Variants in COPG2 observed in about 807,000 individuals in gnomAD.
The protein encoded by COPG2 is coatomer subunit gamma-2.
Under a neutral mutation model 46.3 loss-of-function variants are expected in COPG2, and 37 were observed. That is an observed-to-expected ratio of 0.80 (90% CI 0.61 to 1.05). COPG2 has a LOEUF of 1.05. Among genes scored for constraint, COPG2 ranks in the 50% least tolerant of loss-of-function variants. COPG2 has a pLI of 0.00. For synonymous variants in COPG2, 159 were observed against 129.7 expected (o/e 1.23, Z -1.53); for missense variants, 427 against 387.8 (o/e 1.10, Z -0.85).
chr7:130,550,741 T>C (rs1793526065), intron 16 of COPG2, 92 bp from the exon 17 acceptor site: 12 of 381,910 alleles, frequency 3.1e-5, no homozygotes, highest in Non-Finnish European at 9.2e-6. Flanking sequence ...CTAAGCTTTC[T>C]GAAGGAAGAG....
intron 20 of COPG2, 115 bp downstream of exon 20, chr7:130,547,559 C>A (rs1793464764): frequency 5.0e-6 from 2 of 397,512 alleles, no homozygotes; most frequent in Non-Finnish European, 8.9e-6. Context: ...CACAAACACT[C>A]ATCATTAAAT....
At chr7:130,542,003 T>C (rs1215348811) in intron 20 of COPG2, among the ~76,000 whole-genome samples, 7 of 123,152 alleles carry the variant, frequency 5.7e-5, no homozygotes, top group Middle Eastern at 3.8e-3. Context: ...GAGGGTGAGT[T>C]TGCAGCATAT....
At chr7:130,588,808 AG>A (rs1554448437) in intron 9 of COPG2, among the ~76,000 whole-genome samples, 1 of 151,378 alleles carries the variant, frequency 6.6e-6, no homozygotes, top group African/African-American at 2.4e-5. Context: ...ATAAAAAAAA[AG>A]CTTAGAACAT....
chr7:130,591,040 G>T (rs1243241357), intron 9 of COPG2, among the ~76,000 whole-genome samples: 1 of 151,414 alleles, frequency 6.6e-6, no homozygotes, highest in Non-Finnish European at 1.5e-5. Flanking sequence ...CTCCAGGAGG[G>T]AGGTGGGGGT....
intron 18 of COPG2, 41 bp downstream of exon 18, chr7:130,549,273 T>G (rs956384475): frequency 6.3e-5 from 25 of 398,336 alleles, no homozygotes; most frequent in Non-Finnish European, 1.0e-4. Context: ...TTACAATGCC[T>G]AGGGGAAAGA....
At chr7:130,617,725 T>C (rs565980210) in intron 5 of COPG2, among the ~76,000 whole-genome samples, 1 of 152,172 alleles carries the variant, frequency 6.6e-6, no homozygotes, top group South Asian at 2.1e-4. Flanking sequence ...TAATCCAAAA[T>C]GGTCTACAAC....
At chr7:130,532,694 A>G (rs1799840193) in intron 20 of COPG2, among the ~76,000 whole-genome samples, 1 of 152,086 alleles carries the variant, frequency 6.6e-6, no homozygotes, top group African/African-American at 2.4e-5. Flanking sequence ...GAAGGGTGTG[A>G]AAGGTATCGG....
At chr7:130,511,735 A>C (rs1245626988) in intron 20 of COPG2, 1 of 516,590 alleles carries the variant, frequency 1.9e-6, no homozygotes, top group African/African-American at 1.9e-5. Flanking sequence ...GTGTGGAATA[A>C]AGATTTAGAA....
intron 9 of COPG2, among the ~76,000 whole-genome samples, chr7:130,601,139 A>C (rs557585217): frequency 1.3e-5 from 2 of 152,232 alleles, no homozygotes. Flanking sequence ...GGCACTCAGA[A>C]TGGCAATCAT....
intron 20 of COPG2, among the ~76,000 whole-genome samples, chr7:130,521,225 A>G (rs1171661591): frequency 6.6e-6 from 1 of 152,246 alleles, no homozygotes; most frequent in Admixed American, 6.5e-5. Context: ...AGATAAAATG[A>G]TAACTAAAAA....
At chr7:130,631,172 C>CTTTTTTTTTT (rs55966949) in intron 5 of COPG2, among the ~76,000 whole-genome samples, 5 of 102,324 alleles carry the variant, frequency 4.9e-5, no homozygotes, top group Non-Finnish European at 8.3e-5. Flanking sequence ...TTTTTCTTTT[C>CTTTTTTTTTT]TTTTTTTTTT....
intron 20 of COPG2, among the ~76,000 whole-genome samples, chr7:130,538,929 G>A (rs1359415790): frequency 6.6e-6 from 1 of 152,084 alleles, no homozygotes; most frequent in Non-Finnish European, 1.5e-5. Flanking sequence ...TAGCATCTTA[G>A]ATTTAGTGGG....
At chr7:130,592,405 A>G (rs1259903409) in intron 9 of COPG2, among the ~76,000 whole-genome samples, 1 of 151,968 alleles carries the variant, frequency 6.6e-6, no homozygotes, top group Non-Finnish European at 1.5e-5. Flanking sequence ...CAAAAAAAAA[A>G]AAAAAAGAGT....
At chr7:130,658,960 G>A (rs1481166471) in intron 4 of COPG2, among the ~76,000 whole-genome samples, 2 of 152,078 alleles carry the variant, frequency 1.3e-5, no homozygotes, top group Non-Finnish European at 1.5e-5. Flanking sequence ...GATTACAGGC[G>A]TGAGCCACCG....
At chr7:130,557,720 C>A (rs1193323521) in intron 12 of COPG2, among the ~76,000 whole-genome samples, 2 of 144,246 alleles carry the variant, frequency 1.4e-5, no homozygotes, top group Non-Finnish European at 3.0e-5. Flanking sequence ...GAGGCTGAGG[C>A]AGGAGAATCG....
chr7:130,550,119 G>T (rs1357383232), intron 17 of COPG2, among the ~76,000 whole-genome samples: 1 of 151,968 alleles, frequency 6.6e-6, no homozygotes, highest in African/African-American at 2.4e-5. Flanking sequence ...ATTTAGAAGG[G>T]GTGACAATCG....
At position 130,652,918 on chromosome 7, in the gene COPG2, T is replaced by TCA. The variant is rs1795776241; in HGVS notation, c.273_274insTG (p.Ile92Ter). The TCA allele has an allele frequency of 1.2e-6, 2 of 1,606,682 alleles. No homozygotes were observed. The highest frequency in any genetic ancestry group is 1.7e-6 in the Non-Finnish European group (2 of 1,175,740). On this transcript the variant is annotated frameshift_variant, in exon 5 of 24. Coordinates refer to ENST00000425248, the MANE Select transcript of COPG2 (RefSeq NM_012133.6). LOFTEE classifies it high-confidence loss of function. ...TCAGAGATGGTAGCCATTTCTTTGA[T>TCA]GGTAAGGTAGCACATTCTCCTCAAT...
At chr7:130,609,849 A>G (rs1794808444) in intron 9 of COPG2, among the ~76,000 whole-genome samples, 1 of 151,630 alleles carries the variant, frequency 6.6e-6, no homozygotes, top group Admixed American at 6.6e-5. Context: ...TTTTTTTTCT[A>G]GTTTCTATTT....
At chr7:130,601,502 T>C (rs1037697762) in intron 9 of COPG2, among the ~76,000 whole-genome samples, 1 of 152,246 alleles carries the variant, frequency 6.6e-6, no homozygotes, top group African/African-American at 2.4e-5. Context: ...GATGAGTTCA[T>C]GTCCTTTGCA....
Sources: gnomAD v4.1 joint callset for allele counts (sites outside exome capture counted in the v4.1 genomes callset) on GRCh38, gnomAD v4.1.1 for gene constraint, MANE v1.5 for transcripts, NCBI Gene and HGNC (gene_info 2026-07-23, HGNC 2026-07-21) for gene names.